SLC35F1: variants seen among roughly 807,000 people sequenced by gnomAD.
SLC35F1 encodes the protein chromosome 6 open reading frame 169.
Under a neutral mutation model 48.7 loss-of-function variants are expected in SLC35F1, and 14 were observed. The ratio of observed to expected loss-of-function variants is 0.29; its 90% CI spans 0.19 to 0.45. SLC35F1 has a LOEUF of 0.45. Among genes scored for constraint, SLC35F1 ranks in the 20% least tolerant of loss-of-function variants. The pLI, the probability that SLC35F1 is intolerant of heterozygous loss-of-function variation, is 1.00. For synonymous variants in SLC35F1, 190 were observed against 202.2 expected, an observed-to-expected ratio of 0.94 and a Z score of 0.51; for missense variants, 404 against 500.0, an observed-to-expected ratio of 0.81 and a Z score of 1.83.
intron 1 of SLC35F1, among the ~76,000 whole-genome samples, chr6:117,941,148 T>G (rs1170892919): frequency 6.6e-6 from 1 of 152,196 alleles, no homozygotes; most frequent in Non-Finnish European, 1.5e-5. Flanking sequence ...TGTTTACATT[T>G]GGGTTTAAGA....
At chr6:118,049,109 G>A (rs1412163972) in intron 1 of SLC35F1, among the ~76,000 whole-genome samples, 2 of 152,098 alleles carry the variant, frequency 1.3e-5, no homozygotes, top group African/African-American at 4.8e-5. Flanking sequence ...AACAAGCAAT[G>A]GGGAAAGGAT....
chr6:117,924,581 T>C (rs985533673), intron 1 of SLC35F1, among the ~76,000 whole-genome samples: 1 of 151,826 alleles, frequency 6.6e-6, no homozygotes, highest in African/African-American at 2.4e-5. Context: ...AAGTTTCTGT[T>C]AACCTAGTTG....
At chr6:118,259,738 A>G (rs765441573) in intron 3 of SLC35F1, among the ~76,000 whole-genome samples, 43 of 151,948 alleles carry the variant, frequency 2.8e-4, no homozygotes, top group Non-Finnish European at 5.4e-4. Flanking sequence ...TGTTGATAGG[A>G]TAAAGAGAAA....
chr6:118,314,233 C>T lies in SLC35F1; in HGVS notation c.1208C>T (p.Pro403Leu). 6.2e-7 allele frequency: 1 copy of T among 1,614,220 alleles called. No homozygotes were observed. Among genetic ancestry groups the T allele is most frequent in the Non-Finnish European group, 8.5e-7 (1 of 1,180,030 alleles). ...CTGGGCCAGGAGACCGAAGAGGAGC[C>T]TCATGTTCGTGTGGCCTAGGGTGAG... ...TSLGQETEEE[P>L]HVRVA The change falls in exon 8 of 8, where the codon CCT (proline) becomes CTT (leucine). Residue 403 changes from proline to leucine, a missense_variant. Around this residue, in one of 2 missense-constraint regions of SLC35F1, gnomAD observed 306 missense variants for 419.1 expected, o/e 0.73. Transcript: ENST00000360388.
chr6:117,934,670 CATT>C (rs1263191339), intron 1 of SLC35F1, among the ~76,000 whole-genome samples: 1 of 152,044 alleles, frequency 6.6e-6, no homozygotes, highest in African/African-American at 2.4e-5. Context: ...TTAGACAAAC[CATT>C]ATATTTAATG....
At chr6:118,070,892 A>G (rs1013236622) in intron 1 of SLC35F1, among the ~76,000 whole-genome samples, 172 of 30,296 alleles carry the variant, frequency 5.7e-3, no homozygotes, top group African/African-American at 0.015. Context: ...ATACATAGTA[A>G]ATATATATAC....
intron 1 of SLC35F1, among the ~76,000 whole-genome samples, chr6:118,081,948 T>G (rs1772914862): frequency 6.6e-6 from 1 of 152,222 alleles, no homozygotes; most frequent in Admixed American, 6.5e-5. Context: ...CCATAAAAAC[T>G]TTTAAAGACC....
At chr6:118,157,415 G>A (rs1195346234) in intron 2 of SLC35F1, among the ~76,000 whole-genome samples, 1 of 152,176 alleles carries the variant, frequency 6.6e-6, no homozygotes, top group Non-Finnish European at 1.5e-5. Context: ...TAGAGCCGCA[G>A]GACTAATAGG....
intron 2 of SLC35F1, among the ~76,000 whole-genome samples, chr6:118,214,847 T>A (rs543064701): frequency 6.6e-6 from 1 of 152,144 alleles, no homozygotes; most frequent in East Asian, 1.9e-4. Flanking sequence ...AGGCCATGAG[T>A]GCTTAAGGGG....
At chr6:118,079,711 T>C (rs776042907) in intron 1 of SLC35F1, among the ~76,000 whole-genome samples, 4 of 152,170 alleles carry the variant, frequency 2.6e-5, no homozygotes, top group Non-Finnish European at 5.9e-5. Flanking sequence ...GCTGGTTGAA[T>C]ATGGGTACTT....
intron 1 of SLC35F1, among the ~76,000 whole-genome samples, chr6:118,003,032 A>G (rs1478258723): frequency 6.6e-6 from 1 of 152,206 alleles, no homozygotes; most frequent in Non-Finnish European, 1.5e-5. Flanking sequence ...TGTGCTCAGT[A>G]AATCAAATAG....
At chr6:118,246,757 T>A (rs991790926) in intron 3 of SLC35F1, among the ~76,000 whole-genome samples, 1 of 152,116 alleles carries the variant, frequency 6.6e-6, no homozygotes, top group East Asian at 1.9e-4. Context: ...GGTATGCAAA[T>A]GTAAGATTGT....
At chr6:117,923,794 C>CATATATACACATACACATACATATGT (rs1775974533) in intron 1 of SLC35F1, among the ~76,000 whole-genome samples, 2 of 99,338 alleles carry the variant, frequency 2.0e-5, no homozygotes, top group African/African-American at 4.7e-5. Flanking sequence ...CATATATGTA[C>CATATATACACATACACATACATATGT]ATATATACAT....
intron 1 of SLC35F1, among the ~76,000 whole-genome samples, chr6:118,011,337 T>G (rs1353511043): frequency 6.6e-6 from 1 of 152,094 alleles, no homozygotes; most frequent in Non-Finnish European, 1.5e-5. Context: ...CTTACAATCA[T>G]GGAGGAAGGT....
rs544072008 is a variant in SLC35F1, at chr6:117,966,257, C to T, written c.173+58358C>T. Among the ~76,000 whole-genome samples the T allele has an allele frequency of 2.6e-5, 4 of 151,828 alleles. No individual in the cohort carries two copies. In the South Asian group the frequency reaches 8.3e-4, roughly 31 times the overall value. On this transcript the variant is annotated intron_variant, in intron 1 of 7. Transcript: ENST00000360388. ...TCTTGCTGCTGCTCACTCTTTGGGT[C>T]CACACTGCCTTTATGAGATGTAACA...
chr6:118,161,155 CTT>C (rs1375770789), intron 2 of SLC35F1, among the ~76,000 whole-genome samples: 2 of 152,076 alleles, frequency 1.3e-5, no homozygotes, highest in African/African-American at 2.4e-5. Context: ...GGCTTGGAAA[CTT>C]AGGTAGCCAG....
chr6:118,163,243 C>T (rs1582704495), intron 2 of SLC35F1, among the ~76,000 whole-genome samples: 1 of 152,044 alleles, frequency 6.6e-6, no homozygotes, highest in Non-Finnish European at 1.5e-5. Context: ...GGATTACAGA[C>T]CTGAGCCACC....
intron 1 of SLC35F1, among the ~76,000 whole-genome samples, chr6:118,136,105 C>T (rs368567658): frequency 6.6e-6 from 1 of 152,204 alleles, no homozygotes; most frequent in Non-Finnish European, 1.5e-5. Flanking sequence ...TCTGATGATA[C>T]CTGCTGTGAG....
chr6:118,301,684 G>C lies in SLC35F1; in HGVS notation c.1003-12344G>C, dbSNP rs145904684. On this transcript the variant is annotated intron_variant, in intron 7 of 7. Coordinates refer to ENST00000360388, the MANE Select transcript of SLC35F1 (RefSeq NM_001029858.4). ...TGGTAGCTATAGATATAGATATATT[G>C]GTAGGCCAGCAGTCAGCAAACTTTT... is the stretch of plus-strand genomic sequence containing the variant. Among the ~76,000 whole-genome samples the C allele has an allele frequency of 8.9e-3, 1,353 of 152,206 alleles. 6 individuals carry two copies. Among genetic ancestry groups the C allele is most frequent in the South Asian group, 0.013 (65 of 4,822 alleles).
Sources: gnomAD v4.1 joint callset for allele counts (sites outside exome capture counted in the v4.1 genomes callset) on GRCh38, gnomAD v4.1.1 for gene constraint, gnomAD v4.1.1 regional missense constraint, MANE v1.5 for transcripts, NCBI Gene and HGNC (gene_info 2026-07-23, HGNC 2026-07-21) for gene names.